CDH22: variants seen among roughly 807,000 people sequenced by gnomAD.
CDH22 encodes cadherin-22.
In CDH22, 30 loss-of-function variants were observed where a neutral mutation model predicts 58.4. The observed-to-expected ratio is 0.51, with a 90% CI of 0.38 to 0.70. CDH22 has a LOEUF of 0.70. Among genes scored for constraint, CDH22 ranks in the 30% least tolerant of loss-of-function variants. The probability of loss-of-function intolerance (pLI) is 0.00; values close to 1 mark genes in which losing one functional copy is unlikely to be tolerated. For missense variants in CDH22, 1,014 were observed against 1,233.9 expected, an observed-to-expected ratio of 0.82 and a Z score of 2.67; for synonymous variants, 513 against 558.2, an observed-to-expected ratio of 0.92 and a Z score of 1.14.
At chr20:46,191,230 C>T (rs960216754) in intron 8 of CDH22, among the ~76,000 whole-genome samples, 4 of 151,712 alleles carry the variant, frequency 2.6e-5, no homozygotes, top group Non-Finnish European at 5.9e-5. Flanking sequence ...CCTGCTGAGT[C>T]CTGACTGGGA....
In CDH22 at chr20:46,216,234, C is replaced by T. The variant is rs117326366; in HGVS notation, c.838+592G>A. On this transcript the variant is annotated intron_variant, in intron 5 of 11. Coordinates refer to ENST00000537909, the MANE Select transcript of CDH22 (RefSeq NM_021248.3). This position sits in a 1 kb window ranked among gnomAD's most constrained non-coding sequence, Gnocchi z 5.3. ...TGGGAGGCTGGGCCGGAGACATCCC[C>T]CAACCCCCGCTGTGCCAGCAGAGGC... Among the ~76,000 whole-genome samples the T allele has an allele frequency of 7.7e-3, 1,177 of 152,306 alleles. 19 individuals are homozygous for T. The highest frequency in any genetic ancestry group is 0.027 in the Admixed American group (412 of 15,306).
In CDH22 at chr20:46,178,179, T is replaced by C. The variant is rs2085755209; in HGVS notation, c.1682A>G (p.His561Arg). 1.2e-6 allele frequency: 2 copies of C among 1,613,578 alleles called. No homozygotes were observed. Among genetic ancestry groups the C allele is most frequent in the Admixed American group, 1.7e-5 (1 of 59,988 alleles). The change falls in exon 11 of 12, where the codon CAC becomes CGC. Residue 561 changes from histidine to arginine, a missense_variant. This residue lies in a region of CDH22 where 806 missense variants were observed against 1,038.7 expected (regional missense o/e 0.78). Coordinates refer to ENST00000537909, the MANE Select transcript of CDH22 (RefSeq NM_021248.3). ...CCGGTTGAAGCCCACGTGCTGCGTG[T>C]GCACTGCAGCGGTGTTGTCTGTTCC... ...LDIQDNTAAV[H>R]TQHVGFNRQE...
In CDH22 at chr20:46,230,057, C is replaced by T. The variant is rs1054371033; in HGVS notation, c.551-2430G>A. ...AGGGTCAGTGATTCACCACTGGTTT[C>T]CCAGGCCCCAGAGGAATGGCTTCCT... On this transcript the variant is annotated intron_variant, in intron 3 of 11. Transcript: ENST00000537909. Among the ~76,000 whole-genome samples, 10 of 152,262 alleles carry T rather than the reference C, an allele frequency of 6.6e-5. No individual in the cohort carries two copies. In the South Asian group the frequency reaches 2.1e-3, roughly 32 times the overall value.
chr20:46,199,681 G>T (rs1013522965), intron 7 of CDH22, 122 bp from the exon 8 acceptor site: 31 of 1,229,512 alleles, frequency 2.5e-5, no homozygotes, highest in Non-Finnish European at 3.3e-5. Flanking sequence ...AAGGGGCAGA[G>T]AAACCCCTTG....
intron 1 of CDH22, among the ~76,000 whole-genome samples, chr20:46,307,748 T>C (rs1328015740): frequency 2.0e-5 from 3 of 151,714 alleles, no homozygotes; most frequent in Non-Finnish European, 4.4e-5. Context: ...GCGCACACGC[T>C]CGCGCCGTGC....
intron 10 of CDH22, 50 bp from the exon 11 acceptor site, chr20:46,178,247 T>G: frequency 1.3e-6 from 2 of 1,582,322 alleles, no homozygotes; most frequent in Non-Finnish European, 1.7e-6. Flanking sequence ...GGGGTCAGCA[T>G]CCTTGTCCTA....
intron 8 of CDH22, among the ~76,000 whole-genome samples, chr20:46,192,730 C>T (rs191312308): frequency 2.0e-5 from 3 of 152,206 alleles, no homozygotes; most frequent in Admixed American, 2.0e-4. Flanking sequence ...AAATTGCATC[C>T]AAACACCAGG....
chr20:46,296,839 T>C (rs1290187453), intron 1 of CDH22, among the ~76,000 whole-genome samples: 1 of 152,222 alleles, frequency 6.6e-6, no homozygotes, highest in Non-Finnish European at 1.5e-5. Flanking sequence ...GTGATTGTTT[T>C]TCTAACCAGA....
chr20:46,196,242 A>C (rs1376509604), intron 8 of CDH22, among the ~76,000 whole-genome samples: 1 of 151,436 alleles, frequency 6.6e-6, no homozygotes, highest in Non-Finnish European at 1.5e-5. Flanking sequence ...CATCTCATGG[A>C]GATGGTGAAA....
intron 1 of CDH22, among the ~76,000 whole-genome samples, chr20:46,274,520 G>A (rs1193580802): frequency 6.6e-6 from 1 of 152,188 alleles, no homozygotes; most frequent in Non-Finnish European, 1.5e-5. Context: ...CAGTTTGGTA[G>A]TTTCTTTAAA....
In CDH22 at chr20:46,183,575, T is replaced by A. The variant is rs1220971534; in HGVS notation, c.1663+3013A>T. On this transcript the variant is annotated intron_variant, in intron 10 of 11. Coordinates refer to ENST00000537909, the MANE Select transcript of CDH22 (RefSeq NM_021248.3). ...TCCTGAGTAGCTGGGACTACAGGTG[T>A]GCGCCACCATGCCCAGCTAATTATT... Among the ~76,000 whole-genome samples the A allele has an allele frequency of 2.0e-5, 3 of 152,098 alleles. No individual in the cohort carries two copies. In the East Asian group the frequency reaches 5.8e-4, roughly 29 times the overall value.
chr20:46,287,484 G>A (rs559352576), intron 1 of CDH22, among the ~76,000 whole-genome samples: 1 of 152,034 alleles, frequency 6.6e-6, no homozygotes, highest in Admixed American at 6.6e-5. Flanking sequence ...GGAGTGTGGG[G>A]GTGGCGAGGG....
rs968685035 is a variant in CDH22 at position 46,233,139 on chromosome 20, CAGG to C, written c.551-5515_551-5513del. Among the ~76,000 whole-genome samples, 55 of 152,260 alleles carry C rather than the reference CAGG, an allele frequency of 3.6e-4. 1 individual carries two copies. Among genetic ancestry groups the C allele is most frequent in the African/African-American group, 1.0e-3 (42 of 41,562 alleles). ...TATGGAGCAGGAAGAGGGGGCAGAG[CAGG>C]AGGAGGAACTAGGAGAGGAAGGTGA... On this transcript the variant is annotated intron_variant, in intron 3 of 11. Coordinates refer to ENST00000537909, the MANE Select transcript of CDH22 (RefSeq NM_021248.3).
chr20:46,245,757 C>T (rs887113316), intron 2 of CDH22, among the ~76,000 whole-genome samples: 5 of 152,192 alleles, frequency 3.3e-5, no homozygotes, highest in Admixed American at 6.5e-5. Flanking sequence ...TACAGATGGA[C>T]AGTCGCTGGG....
chr20:46,273,553 T>C (rs1011905635), intron 1 of CDH22, among the ~76,000 whole-genome samples: 5 of 152,250 alleles, frequency 3.3e-5, no homozygotes, highest in African/African-American at 1.2e-4. Context: ...CCAATGTCCC[T>C]ACTCTTTCTG....
At position 46,290,350 on chromosome 20, in the gene CDH22, G is replaced by A. The variant is rs78135602; in HGVS notation, c.-400+17905C>T. On this transcript the variant is annotated intron_variant, in intron 1 of 11. Transcript: ENST00000537909. ...TGTTTCTGGTTGTCACAACTGGGTG[G>A]GAGGGTGCTGCTGGCATCTAGTGGG... Among the ~76,000 whole-genome samples the A allele has an allele frequency of 5.1e-3, 777 of 152,316 alleles. 11 individuals carry two copies. Among genetic ancestry groups the A allele is most frequent in the African/African-American group, 0.017 (722 of 41,550 alleles).
intron 1 of CDH22, among the ~76,000 whole-genome samples, chr20:46,278,091 G>A (rs945444736): frequency 6.6e-6 from 1 of 151,882 alleles, no homozygotes; most frequent in Non-Finnish European, 1.5e-5. Context: ...GAAGGAGGAG[G>A]AGCGAAAGGG....
At chr20:46,298,205 A>G (rs2086637077) in intron 1 of CDH22, among the ~76,000 whole-genome samples, 1 of 152,246 alleles carries the variant, frequency 6.6e-6, no homozygotes. Flanking sequence ...AAATAGAAAA[A>G]AAAAGGCTCA....
chr20:46,252,527 TA>T (rs1430519443), intron 1 of CDH22, among the ~76,000 whole-genome samples: 5 of 152,244 alleles, frequency 3.3e-5, no homozygotes, highest in Non-Finnish European at 7.3e-5. Flanking sequence ...ACTCAAGCCA[TA>T]AGATGAATAA....
Sources: gnomAD v4.1 joint callset for allele counts (sites outside exome capture counted in the v4.1 genomes callset) on GRCh38, gnomAD v4.1.1 for gene constraint, gnomAD v4.1.1 regional missense constraint, Gnocchi (gnomAD v3.1) non-coding constraint, MANE v1.5 for transcripts, NCBI Gene and HGNC (gene_info 2026-07-23, HGNC 2026-07-21) for gene names.